The following TCP11L2 variants were observed in gnomAD, a reference collection of about 807,000 sequenced individuals.
The protein encoded by TCP11L2 is T-complex protein 11-like protein 2.
Under a neutral mutation model 50.7 loss-of-function variants are expected in TCP11L2, and 39 were observed. The ratio of observed to expected loss-of-function variants is 0.77; its 90% confidence interval spans 0.60 to 1.01. The LOEUF is 1.01. Ranked by LOEUF, TCP11L2 falls within the 50% of genes least tolerant of loss-of-function variation. The probability of loss-of-function intolerance (pLI) is 0.00; values close to 1 mark genes in which losing one functional copy is unlikely to be tolerated. For missense variants in TCP11L2, 612 were observed against 614.7 expected (o/e 1.00, Z 0.05); for synonymous variants, 192 against 219.3 (o/e 0.88, Z 1.10).
chr12:106,346,446 A>G lies in TCP11L2; in HGVS notation c.1476A>G (p.Gly492=), dbSNP rs761679932. 7.3e-5 allele frequency: 118 copies of G among 1,614,044 alleles called. No individual in the cohort carries two copies. The highest frequency in any genetic ancestry group is 9.7e-5 in the Non-Finnish European group (114 of 1,180,028). The stretch of plus-strand genomic sequence containing the variant: ...TGAATCTCAACAAACAAGTGTATGG[A>G]CCATTTTATGCAAATATACTTCGAA... ...NIVNLNKQVY[G]PFYANILRKL... Residue 492 remains glycine (G), a synonymous_variant, in exon 10 of 10, where the codon GGA becomes GGG. Transcript: ENST00000299045.
chr12:106,307,053 A>T (rs552235260), intron 1 of TCP11L2, among the ~76,000 whole-genome samples: 2 of 152,364 alleles, frequency 1.3e-5, no homozygotes, highest in South Asian at 2.1e-4. Flanking sequence ...CTCTATCTGT[A>T]GTGAAATACA....
At chr12:106,344,579 C>T (rs2036179370) in intron 9 of TCP11L2, among the ~76,000 whole-genome samples, 2 of 152,192 alleles carry the variant, frequency 1.3e-5, no homozygotes. Flanking sequence ...AATTCTAAGA[C>T]ATAGACATTG....
Position 106,321,635 on chromosome 12 carries a change from G to C in TCP11L2, c.564G>C (p.Lys188Asn). 2 of 1,614,214 alleles carry C rather than the reference G, an allele frequency of 1.2e-6. No individual in the cohort carries two copies. Among genetic ancestry groups the C allele is most frequent in the Non-Finnish European group, 1.7e-6 (2 of 1,180,042 alleles). ...LANYVISTMG[K>N]LCAPVRDNDI... ...ACTATGTCATCAGTACGATGGGAAA[G>C]CTGTGTGCTCCCGTGCGAGATAATG... Residue 188 changes from lysine (K) to asparagine (N), a missense_variant, in exon 5 of 10, where the codon AAG (lysine) becomes AAC (asparagine). Physicochemically the swap from Lys to Asn is moderately conservative, Grantham distance 94. Coordinates refer to ENST00000299045, the MANE Select transcript of TCP11L2 (RefSeq NM_152772.3).
At position 106,335,675 on chromosome 12, in the gene TCP11L2, C is replaced by T. The variant is rs955710745; in HGVS notation, c.809C>T (p.Ser270Phe). ...LDQTTEWIKE[S>F]VNEELFSLSE... Reference sequence around the variant, plus strand: ...CAGACTACAGAATGGATAAAAGAATCTGTAAATGAAGAATTATTTTCTCTT... The same window carrying T: ...CAGACTACAGAATGGATAAAAGAATTTGTAAATGAAGAATTATTTTCTCTT... Residue 270 changes from serine (S) to phenylalanine (F), a missense_variant, in exon 7 of 10, where the codon TCT (serine) becomes TTT (phenylalanine). By Grantham distance (155) the Ser-to-Phe change is radical (BLOSUM62 -2). Coordinates refer to ENST00000299045, the MANE Select transcript of TCP11L2 (RefSeq NM_152772.3). The T allele has an allele frequency of 6.2e-7, 1 of 1,614,158 alleles. No homozygotes were observed. The highest frequency in any genetic ancestry group is 8.5e-7 in the Non-Finnish European group (1 of 1,180,016).
At chr12:106,335,912 G>A in intron 7 of TCP11L2, 86 bp downstream of exon 7, 3 of 1,524,278 alleles carry the variant, frequency 2.0e-6, no homozygotes, top group Admixed American at 2.1e-5. Flanking sequence ...TGTTTCATGT[G>A]GTTTAATGAC....
chr12:106,303,725 C>G (rs1672284496), intron 1 of TCP11L2: 1 of 152,170 alleles, frequency 6.6e-6, no homozygotes, highest in Admixed American at 6.5e-5. Context: ...AAATCTGTTC[C>G]ATTAAGTAAG....
At chr12:106,321,812 TACTG>T in intron 5 of TCP11L2, 106 bp downstream of exon 5, 1 of 871,680 alleles carries the variant, frequency 1.1e-6, no homozygotes, top group Non-Finnish European at 1.9e-6. Flanking sequence ...CCAAATAAAT[TACTG>T]ACCCTAGAAG....
chr12:106,304,296 A>G (rs1478639474), intron 1 of TCP11L2: 3 of 152,288 alleles, frequency 2.0e-5, no homozygotes, highest in East Asian at 3.8e-4. Flanking sequence ...AGTGCCAGGA[A>G]TCCTTCTCCC....
At position 106,312,417 on chromosome 12, in the gene TCP11L2, T is replaced by C. The variant is rs958150844; in HGVS notation, c.157+1185T>C. 4 of 1,225,176 alleles carry C rather than the reference T, an allele frequency of 3.3e-6. No homozygotes were observed. In the African/African-American group the frequency reaches 6.4e-5, roughly 20 times the overall value. 75.9% of individuals were successfully genotyped at this position (1,225,176 alleles called of 1,614,324 possible). A position where few individuals can be genotyped will look rare whatever the true frequency, so the allele number is the denominator to read the frequency against. Reference sequence around the variant, plus strand: ...TTGAGTCAGACCTGGCAAAAGAAATTAACAGCAGCCACCCCAGGTTTCTGT... The same window carrying C: ...TTGAGTCAGACCTGGCAAAAGAAATCAACAGCAGCCACCCCAGGTTTCTGT... On this transcript the variant is annotated intron_variant, in intron 2 of 9. Coordinates refer to ENST00000299045, the MANE Select transcript of TCP11L2 (RefSeq NM_152772.3).
intron 9 of TCP11L2, 122 bp from the exon 10 acceptor site, chr12:106,346,164 C>A: frequency 9.9e-7 from 1 of 1,013,858 alleles, no homozygotes; most frequent in Non-Finnish European, 1.4e-6. Context: ...GGGATGGGTG[C>A]AGGGAGGGGT....
chr12:106,304,804 T>C (rs2034563031), intron 1 of TCP11L2, among the ~76,000 whole-genome samples: 1 of 152,240 alleles, frequency 6.6e-6, no homozygotes, highest in Non-Finnish European at 1.5e-5. Context: ...ACCTTTTTGC[T>C]AATACGTGGG....
chr12:106,311,803 A>G (rs879583374), intron 2 of TCP11L2, among the ~76,000 whole-genome samples: 4 of 152,140 alleles, frequency 2.6e-5, no homozygotes, highest in Admixed American at 1.3e-4. Context: ...TGTAGAAACT[A>G]GAGATGGGTA....
At chr12:106,325,083 T>C (rs868734935) in intron 6 of TCP11L2, 1 of 152,232 alleles carries the variant, frequency 6.6e-6, no homozygotes. Flanking sequence ...CTCTAAGTAC[T>C]TTACCTGTAC....
intron 1 of TCP11L2, among the ~76,000 whole-genome samples, chr12:106,305,402 T>A (rs958564057): frequency 1.7e-4 from 26 of 152,316 alleles, no homozygotes; most frequent in African/African-American, 5.8e-4. Flanking sequence ...TTTGCTAGTT[T>A]GAATTTTTGG....
upstream of TCP11L2, among the ~76,000 whole-genome samples, chr12:106,300,286 A>C (rs896927961): frequency 9.9e-5 from 15 of 152,014 alleles, no homozygotes; most frequent in African/African-American, 3.1e-4. Flanking sequence ...TTTTGAGGGA[A>C]CTGCCTTATA....
intron 8 of TCP11L2, among the ~76,000 whole-genome samples, chr12:106,338,355 CCCCTTT>C (rs2035988045): frequency 2.7e-5 from 2 of 72,796 alleles, no homozygotes; most frequent in Non-Finnish European, 6.9e-5. Context: ...ATCTGTTGTT[CCCCTTT>C]ATGTCCATGT....
intron 3 of TCP11L2, among the ~76,000 whole-genome samples, chr12:106,317,761 G>A (rs1228114679): frequency 6.6e-6 from 1 of 152,204 alleles, no homozygotes; most frequent in Non-Finnish European, 1.5e-5. Context: ...GTAGGAATGT[G>A]TATTTTAACG....
intron 1 of TCP11L2, among the ~76,000 whole-genome samples, chr12:106,308,771 G>A (rs1565836859): frequency 6.6e-6 from 1 of 152,178 alleles, no homozygotes; most frequent in Non-Finnish European, 1.5e-5. Flanking sequence ...GGCTTTGGCA[G>A]TACCAGCCTG....
At chr12:106,320,458 G>A (rs1481424672) in intron 4 of TCP11L2, among the ~76,000 whole-genome samples, 4 of 152,160 alleles carry the variant, frequency 2.6e-5, no homozygotes, top group African/African-American at 9.7e-5. Flanking sequence ...TGCCATCTGT[G>A]TGGAGTTTGT....
Sources: gnomAD v4.1 joint callset for allele counts (sites outside exome capture counted in the v4.1 genomes callset) on GRCh38, gnomAD v4.1.1 for gene constraint, MANE v1.5 for transcripts, NCBI Gene and HGNC (gene_info 2026-07-23, HGNC 2026-07-21) for gene names.